The following FAM210A variants were observed in gnomAD, a reference collection of about 807,000 sequenced individuals.
FAM210A encodes family with sequence similarity 210 member A.
Under a neutral mutation model 25.3 loss-of-function variants are expected in FAM210A, and 13 were observed. The ratio of observed to expected loss-of-function variants is 0.51; its 90% CI spans 0.33 to 0.82. FAM210A has a LOEUF of 0.82. Among genes scored for constraint, FAM210A ranks in the 40% least tolerant of loss-of-function variants. The pLI, the probability that FAM210A is intolerant of heterozygous loss-of-function variation, is 0.02. For synonymous variants in FAM210A, 125 were observed against 118.7 expected (o/e 1.05, Z -0.35); for missense variants, 319 against 323.2 (o/e 0.99, Z 0.10).
intron 1 of FAM210A, among the ~76,000 whole-genome samples, chr18:13,688,056 A>G (rs2043611358): frequency 6.6e-6 from 1 of 152,136 alleles, no homozygotes; most frequent in Non-Finnish European, 1.5e-5. Flanking sequence ...CTCCACACTG[A>G]TAATGTCGAT....
intron 1 of FAM210A, among the ~76,000 whole-genome samples, chr18:13,705,673 T>C (rs2043772848): frequency 6.6e-6 from 1 of 152,144 alleles, no homozygotes; most frequent in Non-Finnish European, 1.5e-5. Flanking sequence ...GGTTTCACCA[T>C]GTTGGCCAGG....
intron 1 of FAM210A, 108 bp from the exon 2 acceptor site, chr18:13,682,213 T>G: frequency 1.4e-6 from 1 of 727,968 alleles, no homozygotes; most frequent in African/African-American, 1.8e-5. Context: ...AGACAGACAC[T>G]GCTACATAAT....
chr18:13,673,311 TG>T (rs1181769167), intron 2 of FAM210A, among the ~76,000 whole-genome samples: 3 of 151,464 alleles, frequency 2.0e-5, no homozygotes, highest in Non-Finnish European at 1.5e-5. Context: ...TCCAGTTTCC[TG>T]ATTATTAACA....
intron 1 of FAM210A, among the ~76,000 whole-genome samples, chr18:13,702,920 T>C (rs1262679074): frequency 2.0e-5 from 3 of 152,066 alleles, no homozygotes; most frequent in African/African-American, 4.8e-5. Context: ...CTGGCTAACG[T>C]TGGGTAATAG....
chr18:13,694,364 T>C (rs2043674903), intron 1 of FAM210A, among the ~76,000 whole-genome samples: 1 of 152,192 alleles, frequency 6.6e-6, no homozygotes. Flanking sequence ...TGGAAAAAAC[T>C]ACTTTAAAGT....
intron 1 of FAM210A, among the ~76,000 whole-genome samples, chr18:13,686,171 G>C (rs1245340879): frequency 6.6e-6 from 1 of 152,134 alleles, no homozygotes; most frequent in Non-Finnish European, 1.5e-5. Context: ...GGAATACTAT[G>C]AATAACTTTA....
intron 2 of FAM210A, among the ~76,000 whole-genome samples, chr18:13,676,882 A>G (rs1442984465): frequency 1.3e-5 from 2 of 152,048 alleles, no homozygotes; most frequent in African/African-American, 4.8e-5. Context: ...GACACTGTCC[A>G]CCTCAGCACA....
At chr18:13,686,194 T>C (rs931316389) in intron 1 of FAM210A, among the ~76,000 whole-genome samples, 2 of 152,182 alleles carry the variant, frequency 1.3e-5, no homozygotes, top group Non-Finnish European at 2.9e-5. Flanking sequence ...TCTATGCCTG[T>C]GAGAAAAGAT....
intron 3 of FAM210A, among the ~76,000 whole-genome samples, chr18:13,669,021 T>C (rs1446421994): frequency 2.0e-5 from 3 of 152,204 alleles, no homozygotes; most frequent in Admixed American, 1.3e-4. Context: ...ATTCTTCCAG[T>C]TGTCCGGGCC....
rs1359197595 is a variant in FAM210A, at chr18:13,671,926, C to G, written c.521G>C (p.Ser174Thr). ...PFLELIGLPDSVVSILKNSQS... is the reference protein window; with the variant it reads ...PFLELIGLPDTVVSILKNSQS... ...GGAGTTTTTCAGGATGCTTACCACA[C>G]TGTCAGGTAACCCAATGAGTTCTAG... is the stretch of plus-strand genomic sequence containing the variant. Residue 174 changes from serine (S) to threonine (T), a missense_variant, in exon 3 of 4, where the codon AGT becomes ACT. Ser to Thr is a moderately conservative substitution (Grantham distance 58, BLOSUM62 1). Transcript: ENST00000651643. The G allele has an allele frequency of 1.2e-6, 2 of 1,613,154 alleles. No homozygotes were observed. Among genetic ancestry groups the G allele is most frequent in the Non-Finnish European group, 8.5e-7 (1 of 1,179,666 alleles).
intron 2 of FAM210A, among the ~76,000 whole-genome samples, chr18:13,679,752 T>C (rs903529489): frequency 2.0e-5 from 3 of 152,140 alleles, no homozygotes; most frequent in African/African-American, 7.2e-5. Flanking sequence ...TGTTTACATA[T>C]AAGCATTCTG....
intron 2 of FAM210A, among the ~76,000 whole-genome samples, chr18:13,679,326 C>T (rs998588173): frequency 3.3e-5 from 5 of 152,162 alleles, no homozygotes; most frequent in East Asian, 1.9e-4. Flanking sequence ...AACAAACAAA[C>T]GAACAACACT....
At chr18:13,679,469 T>G (rs2043531890) in intron 2 of FAM210A, among the ~76,000 whole-genome samples, 1 of 152,232 alleles carries the variant, frequency 6.6e-6, no homozygotes, top group African/African-American at 2.4e-5. Flanking sequence ...ATTTGATTTT[T>G]TTAAGCATTA....
In FAM210A at chr18:13,726,474, C is replaced by T. The variant is rs1378843109; in HGVS notation, c.-174G>A. 1 of 152,640 alleles carries T rather than the reference C, an allele frequency of 6.6e-6. No individual in the cohort carries two copies. Among genetic ancestry groups the T allele is most frequent in the Non-Finnish European group, 1.5e-5 (1 of 68,344 alleles). 9.5% of individuals were successfully genotyped at this position (152,640 alleles called of 1,614,324 possible). ...GGAACCCGCCGGGCTCAGCCGGACG[C>T]TAGCCCCCTGCCGCCCCCGGCCCCG... On this transcript the variant is annotated 5_prime_UTR_variant, in exon 1 of 4. Transcript: ENST00000651643.
chr18:13,682,201 A>G lies in FAM210A; in HGVS notation c.-28-96T>C. Reference sequence around the variant, plus strand: ...TCAATCATTAACCATTAGGAAGTAAAAAGACAGACACTGCTACATAATCCA... The same window carrying G: ...TCAATCATTAACCATTAGGAAGTAAGAAGACAGACACTGCTACATAATCCA... On this transcript the variant is annotated intron_variant, in intron 1 of 3. Transcript: ENST00000651643. 5 of 798,332 alleles carry G rather than the reference A, an allele frequency of 6.3e-6. No individual in the cohort carries two copies. The South Asian group carries it at 7.3e-5, about 12-fold the overall frequency. The allele number at this position is 798,332 out of a possible 1,614,324, so 49.5% of individuals were successfully genotyped here.
At chr18:13,679,825 A>G (rs1441239205) in intron 2 of FAM210A, among the ~76,000 whole-genome samples, 3 of 152,328 alleles carry the variant, frequency 2.0e-5, no homozygotes, top group South Asian at 2.1e-4. Context: ...ACAGAGCATC[A>G]CCCACAGCTG....
intron 2 of FAM210A, among the ~76,000 whole-genome samples, chr18:13,680,255 A>C (rs985115309): frequency 6.6e-6 from 1 of 152,214 alleles, no homozygotes; most frequent in Non-Finnish European, 1.5e-5. Context: ...CTGTCAAAAA[A>C]CCAAGGGCAG....
intron 1 of FAM210A, among the ~76,000 whole-genome samples, chr18:13,684,204 G>A (rs551144973): frequency 3.9e-5 from 6 of 152,204 alleles, no homozygotes; most frequent in African/African-American, 1.4e-4. Flanking sequence ...AGACCAGTCT[G>A]GCCAACATGG....
chr18:13,680,992 C>G (rs2043548500), intron 2 of FAM210A, among the ~76,000 whole-genome samples: 1 of 152,212 alleles, frequency 6.6e-6, no homozygotes, highest in South Asian at 2.1e-4. Flanking sequence ...TTGACACTTA[C>G]TGGACTTGGG....
Sources: allele counts gnomAD v4.1 joint callset (sites outside exome capture counted in the v4.1 genomes callset), GRCh38; gene constraint gnomAD v4.1.1; transcripts MANE v1.5; gene names NCBI Gene and HGNC (gene_info 2026-07-23, HGNC 2026-07-21).